The following PCDH17 variants were observed in gnomAD, a reference collection of about 807,000 sequenced individuals.
PCDH17 encodes the protein protocadherin-17.
Under a neutral mutation model 67.7 loss-of-function variants are expected in PCDH17, and 21 were observed. That is an observed-to-expected ratio of 0.31 (90% CI 0.22 to 0.45). PCDH17 has a LOEUF of 0.45. PCDH17 is among the 20% of genes least tolerant of loss of function. PCDH17 has a pLI of 1.00. For synonymous variants in PCDH17, 701 were observed against 656.7 expected (o/e 1.07, Z -1.03); for missense variants, 1,471 against 1,564.8 (o/e 0.94, Z 1.01).
At chr13:57,663,928 G>T (rs1295841376) in intron 1 of PCDH17, among the ~76,000 whole-genome samples, 4 of 151,064 alleles carry the variant, frequency 2.6e-5, no homozygotes, top group African/African-American at 9.8e-5. Context: ...ATTTATTTTT[G>T]TTTTTGAGAC....
At chr13:57,718,408 C>A (rs551021154) in intron 3 of PCDH17, among the ~76,000 whole-genome samples, 1 of 152,002 alleles carries the variant, frequency 6.6e-6, no homozygotes, top group South Asian at 2.1e-4. Context: ...AATTTTTACT[C>A]CTTTTAGTCA....
rs1157318896 is a variant in PCDH17 at position 57,727,588 on chromosome 13, T to C, written c.*2294T>C. 2.6e-5 allele frequency: 4 copies of C among 152,146 alleles called. No homozygotes were observed. Among genetic ancestry groups the C allele is most frequent in the Non-Finnish European group, 5.9e-5 (4 of 67,998 alleles). 9.4% of individuals were successfully genotyped at this position (152,146 alleles called of 1,614,324 possible). A position where few individuals can be genotyped will look rare whatever the true frequency, so the allele number is the denominator to read the frequency against. Reference sequence around the variant, plus strand: ...TATTTTGGTTCCTAGTAACAGCCTTTCCAAAGCTCTACTCTTGGTTTTTAT... The same window carrying C: ...TATTTTGGTTCCTAGTAACAGCCTTCCCAAAGCTCTACTCTTGGTTTTTAT... On this transcript the variant is annotated 3_prime_UTR_variant, in exon 4 of 4. Transcript: ENST00000377918.
At chr13:57,723,078 C>A (rs1474178322) in intron 3 of PCDH17, among the ~76,000 whole-genome samples, 1 of 152,200 alleles carries the variant, frequency 6.6e-6, no homozygotes, top group African/African-American at 2.4e-5. Flanking sequence ...TGTGTGACTG[C>A]TTTTCAGCAT....
At chr13:57,668,267 T>G (rs993377265) in intron 3 of PCDH17, among the ~76,000 whole-genome samples, 1 of 152,034 alleles carries the variant, frequency 6.6e-6, no homozygotes, top group Admixed American at 6.6e-5. Flanking sequence ...ACTTGATATG[T>G]AAATACACTG....
chr13:57,648,561 G>A (rs1954995981), intron 1 of PCDH17, among the ~76,000 whole-genome samples: 1 of 151,868 alleles, frequency 6.6e-6, no homozygotes, highest in African/African-American at 2.4e-5. Context: ...AGGCTTAATG[G>A]GCAAGTGTAT....
At position 57,634,948 on chromosome 13, in the gene PCDH17, A is replaced by C. The variant is rs1954800464; in HGVS notation, c.2402A>C (p.Gln801Pro). ...ACCTCCCCCATGTACTTCGACTACC[A>C]GACCCGCCTGCCCCTCAGCTCGCCC... Reference protein sequence around the residue: ...LATSPMYFDYQTRLPLSSPRS... With the variant: ...LATSPMYFDYPTRLPLSSPRS... Residue 801 changes from glutamine to proline, a missense_variant, in exon 1 of 4, where the codon CAG becomes CCG. Gln to Pro is a moderately conservative substitution (Grantham distance 76). Around this residue, in one of 3 missense-constraint regions of PCDH17, gnomAD observed 1,163 missense variants for 1,230.0 expected, o/e 0.95. Coordinates refer to ENST00000377918, the MANE Select transcript of PCDH17 (RefSeq NM_001040429.3). This position sits in a 1 kb window ranked among gnomAD's most constrained non-coding sequence, Gnocchi z 7.8. The C allele has an allele frequency of 1.2e-6, 2 of 1,613,664 alleles. No individual in the cohort carries two copies. Among genetic ancestry groups the C allele is most frequent in the African/African-American group, 1.3e-5 (1 of 75,028 alleles).
At chr13:57,638,035 A>G (rs959290058) in intron 1 of PCDH17, among the ~76,000 whole-genome samples, 46 of 152,174 alleles carry the variant, frequency 3.0e-4, no homozygotes, top group African/African-American at 1.1e-3. Context: ...AAGTGTTTAA[A>G]CAATAGATTA....
At chr13:57,700,803 A>G (rs978715299) in intron 3 of PCDH17, among the ~76,000 whole-genome samples, 3 of 152,168 alleles carry the variant, frequency 2.0e-5, no homozygotes, top group African/African-American at 7.2e-5. Flanking sequence ...AGACTAGACT[A>G]GAAAAATTCA....
chr13:57,669,722 A>T (rs1955297844), intron 3 of PCDH17, among the ~76,000 whole-genome samples: 1 of 152,128 alleles, frequency 6.6e-6, no homozygotes, highest in Non-Finnish European at 1.5e-5. Flanking sequence ...TAACTGGCAC[A>T]GCAGGTTGGA....
intron 3 of PCDH17, among the ~76,000 whole-genome samples, chr13:57,715,109 T>G (rs1034238006): frequency 6.6e-6 from 1 of 151,786 alleles, no homozygotes; most frequent in African/African-American, 2.4e-5. Context: ...TTTTCAATAA[T>G]AAATAGATAA....
At position 57,634,493 on chromosome 13, in the gene PCDH17, C is replaced by A. The variant is rs1432946992; in HGVS notation, c.1947C>A (p.His649Gln). 2 of 1,612,978 alleles carry A rather than the reference C, an allele frequency of 1.2e-6. No individual in the cohort carries two copies. Among genetic ancestry groups the A allele is most frequent in the Non-Finnish European group, 1.7e-6 (2 of 1,180,004 alleles). ...CCAGCGGCGAGATCCGCACGCTGCA[C>A]CCTTTCTGGGAGGACGTGACGCCCG... ...DPSSGEIRTL[H>Q]PFWEDVTPVV... The change falls in exon 1 of 4, where the codon CAC (histidine) becomes CAA (glutamine). Residue 649 changes from histidine (H) to glutamine (Q), a missense_variant. By Grantham distance (24) the His-to-Gln change is conservative. Around this residue, in one of 3 missense-constraint regions of PCDH17, gnomAD observed 1,163 missense variants for 1,230.0 expected, o/e 0.95. Coordinates refer to ENST00000377918, the MANE Select transcript of PCDH17 (RefSeq NM_001040429.3). This position sits in a 1 kb window ranked among gnomAD's most constrained non-coding sequence, Gnocchi z 7.8.
intron 3 of PCDH17, among the ~76,000 whole-genome samples, chr13:57,685,700 T>G (rs1840719468): frequency 6.6e-6 from 1 of 152,008 alleles, no homozygotes; most frequent in African/African-American, 2.4e-5. Flanking sequence ...TAATCAATTT[T>G]ATATAGAATA....
chr13:57,651,339 T>C (rs1171570525), intron 1 of PCDH17, among the ~76,000 whole-genome samples: 1 of 149,866 alleles, frequency 6.7e-6, no homozygotes, highest in Non-Finnish European at 1.5e-5. Flanking sequence ...CTCTGATAGA[T>C]AGGTGGTTTA....
chr13:57,705,825 G>A (rs1190268384), intron 3 of PCDH17, among the ~76,000 whole-genome samples: 1 of 152,030 alleles, frequency 6.6e-6, no homozygotes, highest in Non-Finnish European at 1.5e-5. Context: ...AGACCAGCCT[G>A]ACCCACATGG....
Position 57,726,715 on chromosome 13 carries a change from G to T in PCDH17, c.*1421G>T, listed in dbSNP as rs1033557817. ...TGCTAAATCACAAGAATTGACATTT[G>T]TACCAATATCTGAAACTTCTTCATG... On this transcript the variant is annotated 3_prime_UTR_variant, in exon 4 of 4. Coordinates refer to ENST00000377918, the MANE Select transcript of PCDH17 (RefSeq NM_001040429.3). 1.3e-5 allele frequency: 2 copies of T among 152,402 alleles called. No individual in the cohort carries two copies. Among genetic ancestry groups the T allele is most frequent in the Admixed American group, 1.3e-4 (2 of 15,276 alleles). 9.4% of individuals were successfully genotyped at this position (152,402 alleles called of 1,614,324 possible). A position where few individuals can be genotyped will look rare whatever the true frequency, so the allele number is the denominator to read the frequency against.
Position 57,634,626 on chromosome 13 carries a change from C to A in PCDH17, c.2080C>A (p.Arg694=). 2 of 1,613,444 alleles carry A rather than the reference C, an allele frequency of 1.2e-6. No individual in the cohort carries two copies. The highest frequency in any genetic ancestry group is 1.7e-6 in the Non-Finnish European group (2 of 1,180,004). Residue 694 remains arginine, a synonymous_variant, in exon 1 of 4, where the codon CGG becomes AGG. Coordinates refer to ENST00000377918, the MANE Select transcript of PCDH17 (RefSeq NM_001040429.3). This position sits in a 1 kb window ranked among gnomAD's most constrained non-coding sequence, Gnocchi z 7.8. ...CGGATCCCTTCCCGAGGGGGTACCA[C>A]GGGTGAATGGCGAGCAGCACCACTG... ...VSGSLPEGVP[R]VNGEQHHWDM...
chr13:57,710,542 A>T (rs1486744368), intron 3 of PCDH17, among the ~76,000 whole-genome samples: 1 of 151,906 alleles, frequency 6.6e-6, no homozygotes, highest in Non-Finnish European at 1.5e-5. Context: ...TGGAAAAATT[A>T]AGTAAAAAAA....
chr13:57,669,267 G>T (rs956256545), intron 3 of PCDH17, among the ~76,000 whole-genome samples: 1 of 151,926 alleles, frequency 6.6e-6, no homozygotes, highest in African/African-American at 2.4e-5. Context: ...GTAAGGAAAC[G>T]TTAGATCATT....
chr13:57,724,618 AAG>A lies in PCDH17; in HGVS notation c.2807_2808del (p.Glu936ValfsTer3). On this transcript the variant is annotated frameshift_variant, in exon 4 of 4. Transcript: ENST00000377918. LOFTEE classifies it high-confidence loss of function. ...TTTCTCTTTTGTTTTGCAGAACCAG[AAG>A]AGTGTGTTAATTGCACAGATGAATG... is the stretch of plus-strand genomic sequence containing the variant. 1 of 1,608,438 alleles carries A rather than the reference AAG, an allele frequency of 6.2e-7. No individual in the cohort carries two copies. Among genetic ancestry groups the A allele is most frequent in the Non-Finnish European group, 8.5e-7 (1 of 1,175,502 alleles).
Sources: allele counts gnomAD v4.1 joint callset (sites outside exome capture counted in the v4.1 genomes callset), GRCh38; gene constraint gnomAD v4.1.1; regional missense constraint gnomAD v4.1.1; non-coding constraint Gnocchi (gnomAD v3.1); transcripts MANE v1.5; gene names NCBI Gene and HGNC (gene_info 2026-07-23, HGNC 2026-07-21).